ADARB2: variants seen among roughly 807,000 people sequenced by gnomAD.
ADARB2 encodes inactive double-stranded RNA-specific editase B2.
A neutral mutation model predicts 62.2 loss-of-function variants in ADARB2; 25 were observed. The observed-to-expected ratio is 0.40, with a 90% CI of 0.29 to 0.56. ADARB2 has a LOEUF of 0.56. ADARB2 is among the 20% of genes least tolerant of loss of function. The pLI is 0.43. For missense variants in ADARB2, 1,071 were observed against 1,077.4 expected, an observed-to-expected ratio of 0.99 and a Z score of 0.08; for synonymous variants, 572 against 500.8, an observed-to-expected ratio of 1.14 and a Z score of -1.90.
chr10:1,730,111 T>C (rs1835213173), intron 1 of ADARB2, among the ~76,000 whole-genome samples: 1 of 152,110 alleles, frequency 6.6e-6, no homozygotes, highest in South Asian at 2.1e-4. Context: ...CCTAGAGAAG[T>C]GGGTTTACAA....
intron 1 of ADARB2, among the ~76,000 whole-genome samples, chr10:1,720,040 CAAAT>C (rs914403574): frequency 2.6e-5 from 4 of 152,194 alleles, no homozygotes; most frequent in African/African-American, 9.6e-5. Flanking sequence ...CACCCCCCAC[CAAAT>C]AAATTGTTCT....
chr10:1,504,115 T>A (rs1308261398), intron 1 of ADARB2, among the ~76,000 whole-genome samples: 1 of 152,222 alleles, frequency 6.6e-6, no homozygotes, highest in African/African-American at 2.4e-5. Context: ...GGAAGTGGCA[T>A]GTTCAGTGAA....
chr10:1,215,350 C>T (rs1589153981), intron 7 of ADARB2, among the ~76,000 whole-genome samples: 1 of 152,338 alleles, frequency 6.6e-6, no homozygotes, highest in East Asian at 1.9e-4. Context: ...TCTCCCTTCT[C>T]TCCGTTCTCT....
intron 1 of ADARB2, among the ~76,000 whole-genome samples, chr10:1,548,320 G>C (rs368620845): frequency 6.6e-6 from 1 of 152,180 alleles, no homozygotes; most frequent in Non-Finnish European, 1.5e-5. Context: ...CCCTCCCTTC[G>C]CTGGTGACAA....
chr10:1,366,823 C>T (rs922227605), intron 2 of ADARB2, among the ~76,000 whole-genome samples: 5 of 152,254 alleles, frequency 3.3e-5, no homozygotes, highest in African/African-American at 7.2e-5. Flanking sequence ...CAAGAACACA[C>T]AGGCTTCCCT....
At chr10:1,351,884 C>T (rs1832145625) in intron 3 of ADARB2, among the ~76,000 whole-genome samples, 1 of 149,544 alleles carries the variant, frequency 6.7e-6, no homozygotes, top group African/African-American at 2.6e-5. Flanking sequence ...GCCTTATCAA[C>T]CAAATTGTTT....
chr10:1,284,354 G>T (rs1214006288), intron 3 of ADARB2, among the ~76,000 whole-genome samples: 1 of 152,134 alleles, frequency 6.6e-6, no homozygotes, highest in Non-Finnish European at 1.5e-5. Context: ...GGTAAGGTCA[G>T]CAGTTTGTTG....
At chr10:1,585,572 G>A (rs1205053931) in intron 1 of ADARB2, among the ~76,000 whole-genome samples, 2 of 152,188 alleles carry the variant, frequency 1.3e-5, no homozygotes, top group African/African-American at 4.8e-5. Context: ...CTTACGTGAT[G>A]ATTCCTGCTC....
chr10:1,599,827 C>A (rs906935264), intron 1 of ADARB2, among the ~76,000 whole-genome samples: 3 of 152,096 alleles, frequency 2.0e-5, no homozygotes, highest in Non-Finnish European at 4.4e-5. Context: ...CTCACTGGAA[C>A]CTCTGCCTCC....
chr10:1,511,618 T>C (rs1831937534), intron 1 of ADARB2, among the ~76,000 whole-genome samples: 1 of 152,008 alleles, frequency 6.6e-6, no homozygotes, highest in Non-Finnish European at 1.5e-5. Context: ...GCCACTACAC[T>C]GGATACCAAG....
intron 6 of ADARB2, among the ~76,000 whole-genome samples, chr10:1,219,719 T>A (rs1830665265): frequency 6.6e-6 from 1 of 151,896 alleles, no homozygotes; most frequent in Non-Finnish European, 1.5e-5. Flanking sequence ...GTGATGGTGT[T>A]AATGGAGGTG....
intron 1 of ADARB2, among the ~76,000 whole-genome samples, chr10:1,481,204 T>C (rs1251717913): frequency 6.6e-6 from 1 of 152,196 alleles, no homozygotes; most frequent in East Asian, 1.9e-4. Context: ...CTGCAACTAG[T>C]CAATGCAGAA....
chr10:1,682,974 C>A (rs112994132), intron 1 of ADARB2, among the ~76,000 whole-genome samples: 1 of 152,104 alleles, frequency 6.6e-6, no homozygotes, highest in African/African-American at 2.4e-5. Flanking sequence ...AACACAGCAC[C>A]GCGGAGGTGG....
At chr10:1,388,686 C>T (rs542894841) in intron 1 of ADARB2, among the ~76,000 whole-genome samples, 7 of 152,248 alleles carry the variant, frequency 4.6e-5, no homozygotes, top group African/African-American at 1.7e-4. Context: ...TCTACACTCA[C>T]ATTTACAAAC....
At chr10:1,308,280 C>T (rs1831650496) in intron 3 of ADARB2, among the ~76,000 whole-genome samples, 2 of 152,126 alleles carry the variant, frequency 1.3e-5, no homozygotes, top group Admixed American at 1.3e-4. Flanking sequence ...TGTATGCTTT[C>T]TGGATGGACT....
chr10:1,594,338 C>T (rs189093671), intron 1 of ADARB2, among the ~76,000 whole-genome samples: 14 of 152,206 alleles, frequency 9.2e-5, no homozygotes, highest in Admixed American at 6.5e-4. Flanking sequence ...ACAAAAACCA[C>T]GTCTGCGTGA....
intron 1 of ADARB2, among the ~76,000 whole-genome samples, chr10:1,431,782 G>A (rs901939206): frequency 2.0e-5 from 3 of 152,156 alleles, no homozygotes; most frequent in African/African-American, 4.8e-5. Flanking sequence ...TATTACTACA[G>A]AACGTGTAGT....
rs1411880043 is a variant in ADARB2, at chr10:1,181,375, G to A, written c.*1818C>T. ...CTGAATTAAGATTTCATTTATTTTT[G>A]TGATTTTTATAAAAGATTAATGTGA... On this transcript the variant is annotated 3_prime_UTR_variant, in exon 10 of 10. Transcript: ENST00000381312. 2 of 152,154 alleles carry A rather than the reference G, an allele frequency of 1.3e-5. No individual in the cohort carries two copies. The highest frequency in any genetic ancestry group is 3.8e-4 in the East Asian group (2 of 5,198). 9.4% of individuals were successfully genotyped at this position (152,154 alleles called of 1,614,324 possible).
chr10:1,509,245 G>T (rs1029409280), intron 1 of ADARB2, among the ~76,000 whole-genome samples: 1 of 152,118 alleles, frequency 6.6e-6, no homozygotes, highest in Admixed American at 6.5e-5. Context: ...CCATCAGGGG[G>T]TCACTAATAT....
Sources: gnomAD v4.1 joint callset for allele counts (sites outside exome capture counted in the v4.1 genomes callset) on GRCh38, gnomAD v4.1.1 for gene constraint, MANE v1.5 for transcripts, NCBI Gene and HGNC (gene_info 2026-07-23, HGNC 2026-07-21) for gene names.